The following HTR2C variants were observed in gnomAD, a reference collection of about 807,000 sequenced individuals.
HTR2C encodes the protein 5-hydroxytryptamine receptor 2C, also known as 5-hydroxytryptamine (serotonin) receptor 2C, G protein-coupled.
Under a neutral mutation model 21.0 loss-of-function variants are expected in HTR2C, and 5 were observed. The ratio of observed to expected loss-of-function variants is 0.24; its 90% confidence interval spans 0.12 to 0.50. The LOEUF (loss-of-function observed/expected upper bound fraction) is 0.50. Among genes scored for constraint, HTR2C ranks in the 20% least tolerant of loss-of-function variants. The pLI, the probability that HTR2C is intolerant of heterozygous loss-of-function variation, is 0.98. For synonymous variants in HTR2C, 150 were observed against 145.3 expected (o/e 1.03, Z -0.23); for missense variants, 271 against 371.2 (o/e 0.73, Z 2.22).
chrX:114,636,413 G>A (rs968410671), intron 2 of HTR2C, among the ~76,000 whole-genome samples: 1 of 111,837 alleles, frequency 8.9e-6, no homozygotes, highest in Non-Finnish European at 1.9e-5. Context: ...AACTGGATAA[G>A]TTGAGGATAG....
chrX:114,855,946 G>A (rs1478214749), intron 5 of HTR2C, among the ~76,000 whole-genome samples: 1 of 107,937 alleles, frequency 9.3e-6, no homozygotes. Context: ...AGTCCTGTAG[G>A]CAGTCCTGTT....
At chrX:114,849,935 G>T (rs1556468760) in intron 5 of HTR2C, among the ~76,000 whole-genome samples, 1 of 111,881 alleles carries the variant, frequency 8.9e-6, no homozygotes, top group African/African-American at 3.2e-5. Context: ...AGAGATAACA[G>T]AAATAAACTT....
rs781844218 is a variant in HTR2C, at chrX:114,725,680, C to G, written c.-79-1178C>G. ...TTTGGTCTTTGATGATGGTGATGTA[C>G]AGATGGGTTTTTGGTGTGGATGTCC... is the stretch of plus-strand genomic sequence containing the variant. On this transcript the variant is annotated intron_variant, in intron 2 of 5. Transcript: ENST00000276198. 4.5e-5 allele frequency among the ~76,000 whole-genome samples: 5 copies of G among 110,596 alleles called. No individual in the cohort carries two copies. In the South Asian group the frequency reaches 1.2e-3, roughly 26 times the overall value.
At chrX:114,778,525 G>GA (rs781877786) in intron 4 of HTR2C, among the ~76,000 whole-genome samples, 2 of 84,727 alleles carry the variant, frequency 2.4e-5, no homozygotes, top group Non-Finnish European at 4.5e-5. Context: ...AAGCAATGAG[G>GA]AAAAAAAGGA....
intron 2 of HTR2C, among the ~76,000 whole-genome samples, chrX:114,698,411 G>A (rs1015631556): frequency 2.8e-5 from 3 of 108,516 alleles, no homozygotes; most frequent in African/African-American, 1.0e-4. Context: ...GAAATGCGTT[G>A]TTCTGTGCAA....
At chrX:114,663,838 G>A (rs2147843571) in intron 2 of HTR2C, among the ~76,000 whole-genome samples, 1 of 111,717 alleles carries the variant, frequency 9.0e-6, no homozygotes, top group East Asian at 2.8e-4. Context: ...CTAGACTGCG[G>A]GGGTGAGGGC....
At chrX:114,751,914 T>G (rs1230849496) in intron 4 of HTR2C, among the ~76,000 whole-genome samples, 2 of 111,785 alleles carry the variant, frequency 1.8e-5, no homozygotes, top group Non-Finnish European at 3.8e-5. Context: ...GATTCTTACC[T>G]GGGCTCTACT....
At chrX:114,736,208 T>C (rs782071435) in intron 4 of HTR2C, among the ~76,000 whole-genome samples, 11 of 111,312 alleles carry the variant, frequency 9.9e-5, no homozygotes, top group Non-Finnish European at 1.9e-4. Flanking sequence ...TAAGTAATAA[T>C]CATAAACTCG....
chrX:114,584,963 A>G (rs1279462505), intron 1 of HTR2C, among the ~76,000 whole-genome samples: 2 of 96,080 alleles, frequency 2.1e-5, no homozygotes, highest in Admixed American at 2.3e-4. Flanking sequence ...GGGGAAGCCG[A>G]GACAGAAACG....
At chrX:114,640,414 C>T (rs1387048080) in intron 2 of HTR2C, among the ~76,000 whole-genome samples, 1 of 111,660 alleles carries the variant, frequency 9.0e-6, no homozygotes, top group Non-Finnish European at 1.9e-5. Flanking sequence ...CACGGCTGGG[C>T]CATTGGGAAG....
chrX:114,641,055 TTTTTC>T (rs1556406338), intron 2 of HTR2C, among the ~76,000 whole-genome samples: 1,145 of 101,373 alleles, frequency 0.011, 21 homozygotes, highest in African/African-American at 0.043. Flanking sequence ...TTTCTTTCTT[TTTTTC>T]TTTTCTTTTC....
intron 2 of HTR2C, among the ~76,000 whole-genome samples, chrX:114,627,452 A>T (rs1556403143): frequency 1.8e-5 from 2 of 111,571 alleles, no homozygotes; most frequent in Non-Finnish European, 3.8e-5. Context: ...GGTTGCAGAA[A>T]AGTATTGGCC....
At chrX:114,778,818 G>T (rs373897870) in intron 4 of HTR2C, among the ~76,000 whole-genome samples, 98 of 111,344 alleles carry the variant, frequency 8.8e-4, no homozygotes, top group African/African-American at 2.8e-3. Context: ...CAGATGGAGG[G>T]CTGTGCTATT....
Position 114,726,956 on chromosome X carries a change from C to T in HTR2C, c.20C>T (p.Ala7Val), listed in dbSNP as rs201115463. Residue 7 changes from alanine (A) to valine (V), a missense_variant, in exon 3 of 6, where the codon GCG (alanine) becomes GTG (valine). By Grantham distance (64) the Ala-to-Val change is moderately conservative. Coordinates refer to ENST00000276198, the MANE Select transcript of HTR2C (RefSeq NM_000868.4). ...GCAATCATGGTGAACCTGAGGAATG[C>T]GGTGCATTCATTCCTGTAAGGATGT... is the stretch of plus-strand genomic sequence containing the variant. MVNLRN[A>V]VHSFLVHLIG... 9.2e-5 allele frequency: 102 copies of T among 1,113,106 alleles called. 1 individual carries two copies. The South Asian group carries it at 1.1e-3, about 13-fold the overall frequency. 91.7% of individuals were successfully genotyped at this position (1,113,106 alleles called of 1,213,427 possible).
chrX:114,684,885 T>C (rs1556414014), intron 2 of HTR2C, among the ~76,000 whole-genome samples: 2 of 111,737 alleles, frequency 1.8e-5, no homozygotes, highest in African/African-American at 6.5e-5. Flanking sequence ...TAGCTGTTTT[T>C]ATCAAAAATC....
At chrX:114,888,076 G>A (rs2071233845) in intron 5 of HTR2C, among the ~76,000 whole-genome samples, 1 of 111,541 alleles carries the variant, frequency 9.0e-6, no homozygotes, top group African/African-American at 3.3e-5. Flanking sequence ...GTAAGTGATG[G>A]GCCCTTTACC....
At chrX:114,678,747 T>A (rs991364057) in intron 2 of HTR2C, among the ~76,000 whole-genome samples, 2 of 111,500 alleles carry the variant, frequency 1.8e-5, no homozygotes, top group Non-Finnish European at 3.8e-5. Flanking sequence ...TCAGAAGATA[T>A]AGGAATTTTC....
chrX:114,822,743 T>C (rs1556456799), intron 4 of HTR2C, among the ~76,000 whole-genome samples: 1 of 111,668 alleles, frequency 9.0e-6, no homozygotes, highest in East Asian at 2.8e-4. Flanking sequence ...ATATTGTAGA[T>C]TGTATTGAAC....
chrX:114,775,930 G>A (rs781974735), intron 4 of HTR2C: 15 of 367,397 alleles, frequency 4.1e-5, no homozygotes, highest in African/African-American at 2.8e-4. Flanking sequence ...AGAGAGAATC[G>A]ACCTCAATAC....
Sources: gnomAD v4.1 joint callset for allele counts (sites outside exome capture counted in the v4.1 genomes callset) on GRCh38, gnomAD v4.1.1 for gene constraint, MANE v1.5 for transcripts, NCBI Gene and HGNC (gene_info 2026-07-23, HGNC 2026-07-21) for gene names.